The following PRORP variants were observed in gnomAD, a reference collection of about 807,000 sequenced individuals.
PRORP encodes protein only RNase P catalytic subunit, also known as mitochondrial ribonuclease P catalytic subunit.
Under a neutral mutation model 59.4 loss-of-function variants are expected in PRORP, and 51 were observed. The observed-to-expected ratio is 0.86, with a 90% CI of 0.69 to 1.08. The LOEUF (loss-of-function observed/expected upper bound fraction) is 1.08, where lower values mean the gene tolerates loss of function less well. Among genes scored for constraint, PRORP ranks in the 50% least tolerant of loss-of-function variants. PRORP has a pLI of 0.00. For missense variants in PRORP, 646 were observed against 690.3 expected (o/e 0.94, Z 0.72); for synonymous variants, 231 against 245.6 (o/e 0.94, Z 0.55).
intron 5 of PRORP, chr14:35,262,893 C>A: frequency 6.4e-7 from 1 of 1,558,372 alleles, no homozygotes. Flanking sequence ...TGAATTAATC[C>A]TTGAAGGTAA....
intron 4 of PRORP, among the ~76,000 whole-genome samples, chr14:35,142,693 A>C (rs989009872): frequency 6.9e-6 from 1 of 144,258 alleles, no homozygotes; most frequent in Non-Finnish European, 1.5e-5. Flanking sequence ...AATACAAAAA[A>C]TTAGCTGGGC....
At chr14:35,213,135 C>T (rs1240826363) in intron 5 of PRORP, among the ~76,000 whole-genome samples, 9 of 152,200 alleles carry the variant, frequency 5.9e-5, no homozygotes, top group Admixed American at 5.9e-4. Context: ...GGGCCTTGCT[C>T]TGGATTACGT....
intron 5 of PRORP, among the ~76,000 whole-genome samples, chr14:35,215,964 A>G (rs1320651370): frequency 6.6e-6 from 1 of 151,440 alleles, no homozygotes; most frequent in Non-Finnish European, 1.5e-5. Flanking sequence ...ACCGGGTTTC[A>G]CCACGTTGGC....
intron 5 of PRORP, among the ~76,000 whole-genome samples, chr14:35,214,330 A>G (rs1282517769): frequency 1.3e-5 from 2 of 152,218 alleles, no homozygotes; most frequent in Non-Finnish European, 2.9e-5. Context: ...GTTTAGAATA[A>G]TATCCCAGTA....
chr14:35,255,114 A>G (rs1317599764), intron 5 of PRORP, among the ~76,000 whole-genome samples: 1 of 152,008 alleles, frequency 6.6e-6, no homozygotes, highest in African/African-American at 2.4e-5. Flanking sequence ...GAGGTTAGAG[A>G]TAACTGTGTT....
intron 4 of PRORP, among the ~76,000 whole-genome samples, chr14:35,145,479 T>G (rs1566454357): frequency 1.4e-5 from 2 of 142,892 alleles, no homozygotes. Context: ...CTCAGCACTT[T>G]GGGAGGCCGA....
chr14:35,181,907 T>C (rs2048620038), intron 5 of PRORP, among the ~76,000 whole-genome samples: 1 of 152,028 alleles, frequency 6.6e-6, no homozygotes, highest in Admixed American at 6.6e-5. Flanking sequence ...AAAAATTTGC[T>C]AGACAGTAAA....
chr14:35,122,097 C>A (rs2046925573), upstream of PRORP: 3 of 868,720 alleles, frequency 3.5e-6, no homozygotes. Context: ...GGGCGGAAGT[C>A]TTGGCTAAAG....
rs774062353 is a variant in PRORP at position 35,123,230 on chromosome 14, C to G, written c.-16C>G. 4 of 1,598,072 alleles carry G rather than the reference C, an allele frequency of 2.5e-6. No individual in the cohort carries two copies. The South Asian group carries it at 4.4e-5, about 18-fold the overall frequency. ...TCAACATCTCTCTCACTATCTGGTG[C>G]TGATCTCACTGCATAATGACTTTCT... On this transcript the variant is annotated 5_prime_UTR_variant, in exon 2 of 8. Coordinates refer to ENST00000534898, the MANE Select transcript of PRORP (RefSeq NM_014672.4).
At chr14:35,253,404 G>GAAAGAAAGAAAAAAAGA (rs2050667924) in intron 5 of PRORP, among the ~76,000 whole-genome samples, 1 of 135,014 alleles carries the variant, frequency 7.4e-6, no homozygotes, top group Non-Finnish European at 1.5e-5. Flanking sequence ...AAGAAAGAAG[G>GAAAGAAAGAAAAAAAGA]AAAGAAAGAA....
At chr14:35,256,007 T>G (rs570664103) in intron 5 of PRORP, among the ~76,000 whole-genome samples, 1 of 151,902 alleles carries the variant, frequency 6.6e-6, no homozygotes, top group Non-Finnish European at 1.5e-5. Context: ...TTTATCAGGC[T>G]GGGCGCAGTG....
chr14:35,223,838 C>G lies in PRORP; in HGVS notation c.1276-42889C>G, dbSNP rs907421976. Among the ~76,000 whole-genome samples, 6 of 152,290 alleles carry G rather than the reference C, an allele frequency of 3.9e-5. No homozygotes were observed. In the East Asian group the frequency reaches 9.6e-4, roughly 24 times the overall value. ...ATGAGGCTAGTAGCTTATTTTCCAT[C>G]TACTTGAGTCTTTGCTGATAAATTA... On this transcript the variant is annotated intron_variant, in intron 5 of 7. Transcript: ENST00000534898.
intron 5 of PRORP, among the ~76,000 whole-genome samples, chr14:35,241,991 G>C (rs540579590): frequency 1.3e-5 from 2 of 152,010 alleles, no homozygotes; most frequent in East Asian, 3.9e-4. Flanking sequence ...CTGAGGGCAG[G>C]GACCATGTCT....
At chr14:35,147,150 A>G (rs142045361) in intron 4 of PRORP, among the ~76,000 whole-genome samples, 58 of 152,276 alleles carry the variant, frequency 3.8e-4, no homozygotes, top group African/African-American at 1.3e-3. Context: ...TTAAGTGTGC[A>G]ATAGCATTAT....
chr14:35,238,312 A>G (rs1311478979), intron 5 of PRORP, among the ~76,000 whole-genome samples: 9 of 152,150 alleles, frequency 5.9e-5, no homozygotes, highest in Non-Finnish European at 1.3e-4. Context: ...TCCCAAACCC[A>G]CATATCTAGA....
At chr14:35,176,415 G>C (rs1054836252) in intron 4 of PRORP, among the ~76,000 whole-genome samples, 3 of 151,878 alleles carry the variant, frequency 2.0e-5, no homozygotes, top group Non-Finnish European at 4.4e-5. Flanking sequence ...TTTTTATTTC[G>C]TTGAGCAGTG....
At chr14:35,225,872 C>T (rs937784758) in intron 5 of PRORP, among the ~76,000 whole-genome samples, 1 of 151,988 alleles carries the variant, frequency 6.6e-6, no homozygotes, top group Admixed American at 6.6e-5. Context: ...CATAACGAAA[C>T]CCCATCTTTA....
At chr14:35,234,790 C>A (rs1352551621) in intron 5 of PRORP, among the ~76,000 whole-genome samples, 4 of 151,668 alleles carry the variant, frequency 2.6e-5, no homozygotes, top group African/African-American at 9.7e-5. Context: ...AGTAATCCTC[C>A]CACCCAGCTC....
At chr14:35,126,863 A>G (rs2047111323) in intron 3 of PRORP, 81 bp downstream of exon 3, 2 of 992,614 alleles carry the variant, frequency 2.0e-6, no homozygotes, top group Non-Finnish European at 3.1e-6. Flanking sequence ...ATATTTAAGA[A>G]CACCTTAAGG....
Sources: allele counts gnomAD v4.1 joint callset (sites outside exome capture counted in the v4.1 genomes callset), GRCh38; gene constraint gnomAD v4.1.1; transcripts MANE v1.5; gene names NCBI Gene and HGNC (gene_info 2026-07-23, HGNC 2026-07-21).